C2orf72: variants seen among roughly 807,000 people sequenced by gnomAD.
The protein encoded by C2orf72 is uncharacterized protein C2orf72.
In C2orf72, 16 loss-of-function variants were observed where a neutral mutation model predicts 14.4. The observed-to-expected ratio is 1.11, with a 90% CI of 0.75 to 1.69. The LOEUF is 1.69. Among genes scored for constraint, C2orf72 ranks in the 40% most tolerant of loss-of-function variants. The probability of loss-of-function intolerance (pLI) is 0.00; values close to 1 mark genes in which losing one functional copy is unlikely to be tolerated. For synonymous variants in C2orf72, 168 were observed against 176.8 expected, an observed-to-expected ratio of 0.95 and a Z score of 0.40; for missense variants, 371 against 358.3, an observed-to-expected ratio of 1.04 and a Z score of -0.29.
intron 1 of C2orf72, among the ~76,000 whole-genome samples, chr2:231,038,516 T>TGG (rs1553554986): frequency 2.1e-4 from 2 of 9,496 alleles, no homozygotes; most frequent in Admixed American, 1.4e-3. Flanking sequence ...AGTTACGGGG[T>TGG]GGGTGGGGGT....
Position 231,037,640 on chromosome 2 carries a change from A to G in C2orf72, c.75A>G (p.Glu25=). The change falls in exon 1 of 3, where the codon GAA becomes GAG. Residue 25 remains glutamate, a synonymous_variant. Transcript: ENST00000373640. ...AGCCGCCCTTCCAGGCGTTGGTGGAAGCGGCGGGGGGCCGCGGGCAGGTGC... is the reference window on the plus strand; with the variant it reads ...AGCCGCCCTTCCAGGCGTTGGTGGAGGCGGCGGGGGGCCGCGGGCAGGTGC... ...PAEPPFQALV[E]AAGGRGQVLL... The G allele has an allele frequency of 8.9e-7, 1 of 1,121,828 alleles. No individual in the cohort carries two copies. The highest frequency in any genetic ancestry group is 1.1e-6 in the Non-Finnish European group (1 of 913,396). 69.5% of individuals were successfully genotyped at this position (1,121,828 alleles called of 1,614,324 possible).
chr2:231,044,190 T>C (rs928388664), intron 2 of C2orf72, among the ~76,000 whole-genome samples: 2 of 152,030 alleles, frequency 1.3e-5, no homozygotes, highest in Admixed American at 1.3e-4. Context: ...AGTCAGCGAG[T>C]GAGTGGTGAG....
intron 1 of C2orf72, among the ~76,000 whole-genome samples, chr2:231,039,729 A>T (rs530794512): frequency 6.7e-6 from 1 of 148,682 alleles, no homozygotes; most frequent in Non-Finnish European, 1.5e-5. Flanking sequence ...CATTTTCTAT[A>T]CCCTAATGAG....
chr2:231,049,306 A>T lies in C2orf72; in HGVS notation c.*2285A>T, dbSNP rs966480870. On this transcript the variant is annotated 3_prime_UTR_variant, in exon 3 of 3. Coordinates refer to ENST00000373640, the MANE Select transcript of C2orf72 (RefSeq NM_001144994.2). ...AGAGAGAAAGTCTTCATTTACTAAG[A>T]TTTGGGTTCTGCCTCCCAAGTGACA... The T allele has an allele frequency of 6.6e-6, 1 of 152,188 alleles. No homozygotes were observed. The highest frequency in any genetic ancestry group is 1.5e-5 in the Non-Finnish European group (1 of 68,046). The allele number at this position is 152,188 out of a possible 1,614,324, so 9.4% of individuals were successfully genotyped here. A position where few individuals can be genotyped will look rare whatever the true frequency, so the allele number is the denominator to read the frequency against.
intron 2 of C2orf72, among the ~76,000 whole-genome samples, 155 bp downstream of exon 2, chr2:231,041,564 A>G (rs1002313470): frequency 3.3e-5 from 5 of 152,074 alleles, no homozygotes; most frequent in East Asian, 1.9e-4. Flanking sequence ...TGAGGTGCCC[A>G]TATGCCAGGC....
Position 231,037,939 on chromosome 2 carries a change from T to G in C2orf72, c.374T>G (p.Leu125Arg). 9.7e-7 allele frequency: 1 copy of G among 1,030,310 alleles called. No individual in the cohort carries two copies. The highest frequency in any genetic ancestry group is 1.2e-6 in the Non-Finnish European group (1 of 861,900). 63.8% of individuals were successfully genotyped at this position (1,030,310 alleles called of 1,614,324 possible). Residue 125 changes from leucine to arginine, a missense_variant, in exon 1 of 3, where the codon CTG (leucine) becomes CGG (arginine). Coordinates refer to ENST00000373640, the MANE Select transcript of C2orf72 (RefSeq NM_001144994.2). ...SLAAREPRRR[L>R]REMLRDVRGR... ...GCCGCCCGGGAGCCGCGGCGCCGCC[T>G]GCGGGAGATGCTGCGGGACGTGCGC... is the stretch of plus-strand genomic sequence containing the variant.
At chr2:231,045,742 T>C (rs373401097) in intron 2 of C2orf72, among the ~76,000 whole-genome samples, 7 of 152,100 alleles carry the variant, frequency 4.6e-5, no homozygotes, top group African/African-American at 1.4e-4. Flanking sequence ...ATGGTCTCGA[T>C]CTCCTGACCT....
intron 1 of C2orf72, among the ~76,000 whole-genome samples, chr2:231,039,491 T>C (rs1318684010): frequency 6.6e-6 from 1 of 151,696 alleles, no homozygotes; most frequent in African/African-American, 2.4e-5. Context: ...TCTCCTGGAG[T>C]ATTGGCGTTG....
intron 2 of C2orf72, among the ~76,000 whole-genome samples, chr2:231,043,221 G>C (rs1693367044): frequency 6.6e-6 from 1 of 152,064 alleles, no homozygotes; most frequent in Non-Finnish European, 1.5e-5. Flanking sequence ...ATAACCTAAG[G>C]AGTCAAGGTA....
chr2:231,038,810 AT>A (rs1489791549), intron 1 of C2orf72, among the ~76,000 whole-genome samples: 1 of 151,730 alleles, frequency 6.6e-6, no homozygotes, highest in Non-Finnish European at 1.5e-5. Context: ...TTTTCTATTG[AT>A]TTCTGGCCAC....
chr2:231,038,803 T>C (rs1693297416), intron 1 of C2orf72, among the ~76,000 whole-genome samples: 1 of 152,074 alleles, frequency 6.6e-6, no homozygotes. Context: ...GAGTACATTT[T>C]CTATTGATTT....
rs1239745346 is a variant in C2orf72 at position 231,038,337 on chromosome 2, G to A, written c.634+138G>A. On this transcript the variant is annotated intron_variant, in intron 1 of 2. Transcript: ENST00000373640. ...AGAGCAGGGAGGTGCCTAGAGCCAG[G>A]CCTCGCAGCTAGCGGAGAGCGGGCC... is the stretch of plus-strand genomic sequence containing the variant. 8.6e-6 allele frequency: 6 copies of A among 701,562 alleles called. No homozygotes were observed. In the East Asian group the frequency reaches 2.0e-4, roughly 24 times the overall value. 43.5% of individuals were successfully genotyped at this position (701,562 alleles called of 1,614,324 possible). A position where few individuals can be genotyped will look rare whatever the true frequency, so the allele number is the denominator to read the frequency against.
Position 231,038,193 on chromosome 2 carries a change from C to A in C2orf72, c.628C>A (p.Gln210Lys). 1 of 1,186,328 alleles carries A rather than the reference C, an allele frequency of 8.4e-7. No homozygotes were observed. The highest frequency in any genetic ancestry group is 1.0e-6 in the Non-Finnish European group (1 of 958,648). 73.5% of individuals were successfully genotyped at this position (1,186,328 alleles called of 1,614,324 possible). Residue 210 changes from glutamine (Q) to lysine (K), a missense_variant, in exon 1 of 3, where the codon CAA becomes AAA. Around this residue, in one of 3 missense-constraint regions of C2orf72, gnomAD observed 145 missense variants for 149.4 expected, o/e 0.97. Transcript: ENST00000373640. Reference protein sequence around the residue: ...CRALQAAGAGQPVEGAWERPG... With the variant: ...CRALQAAGAGKPVEGAWERPG... ...GGCCCTGCAAGCCGCCGGAGCCGGG[C>A]AACCAGGTGAGACTGCGCGGGGCCC...
rs1308574072 is a variant in C2orf72, at chr2:231,048,922, T to G, written c.*1901T>G. The G allele has an allele frequency of 6.6e-6, 1 of 152,250 alleles. No individual in the cohort carries two copies. Among genetic ancestry groups the G allele is most frequent in the Non-Finnish European group, 1.5e-5 (1 of 68,044 alleles). 9.4% of individuals were successfully genotyped at this position (152,250 alleles called of 1,614,324 possible). The stretch of plus-strand genomic sequence containing the variant: ...TTCTTTGTAATCATCTTATTAAAGT[T>G]TTCTTATTTAGTGGGAGAGGGAGCT... On this transcript the variant is annotated 3_prime_UTR_variant, in exon 3 of 3. Transcript: ENST00000373640.
chr2:231,045,410 C>T (rs1693403334), intron 2 of C2orf72, among the ~76,000 whole-genome samples: 1 of 151,814 alleles, frequency 6.6e-6, no homozygotes, highest in Non-Finnish European at 1.5e-5. Context: ...AGGTTGTTTC[C>T]ACCAGCATTG....
intron 2 of C2orf72, among the ~76,000 whole-genome samples, chr2:231,043,749 T>G (rs1399114435): frequency 6.6e-6 from 1 of 152,240 alleles, no homozygotes; most frequent in African/African-American, 2.4e-5. Flanking sequence ...TGTATTAAAA[T>G]GCAAATGGCA....
At chr2:231,038,612 G>A (rs1693293286) in intron 1 of C2orf72, among the ~76,000 whole-genome samples, 1 of 152,134 alleles carries the variant, frequency 6.6e-6, no homozygotes, top group Admixed American at 6.5e-5. Flanking sequence ...AAGGAGATTG[G>A]CGGTGCCAGA....
In C2orf72 at chr2:231,049,716, A is replaced by G. The variant is rs1339677110; in HGVS notation, c.*2695A>G. ...ACCTCGTTGATATCTTATAGAAAAC[A>G]AAATGGATCTTCTTCATTCTCCTAA... On this transcript the variant is annotated 3_prime_UTR_variant, in exon 3 of 3. Transcript: ENST00000373640. 2 of 152,190 alleles carry G rather than the reference A, an allele frequency of 1.3e-5. No individual in the cohort carries two copies. The highest frequency in any genetic ancestry group is 4.8e-5 in the African/African-American group (2 of 41,440). The allele number at this position is 152,190 out of a possible 1,614,324, so 9.4% of individuals were successfully genotyped here.
chr2:231,039,932 G>A (rs1275433604), intron 1 of C2orf72, among the ~76,000 whole-genome samples: 2 of 151,896 alleles, frequency 1.3e-5, no homozygotes, highest in East Asian at 3.9e-4. Flanking sequence ...TGGTAGAGAC[G>A]GGGTTTCGCC....
Sources: allele counts gnomAD v4.1 joint callset (sites outside exome capture counted in the v4.1 genomes callset), GRCh38; gene constraint gnomAD v4.1.1; regional missense constraint gnomAD v4.1.1; transcripts MANE v1.5; gene names NCBI Gene and HGNC (gene_info 2026-07-23, HGNC 2026-07-21).